The following ADCY8 variants were observed in gnomAD, a reference collection of about 807,000 sequenced individuals.
The protein encoded by ADCY8 is adenylate cyclase 8.
A neutral mutation model predicts 119.7 loss-of-function variants in ADCY8; 51 were observed. That is an observed-to-expected ratio of 0.43 (90% confidence interval 0.34 to 0.54). ADCY8 has a LOEUF of 0.54. Among genes scored for constraint, ADCY8 ranks in the 20% least tolerant of loss-of-function variants. ADCY8 has a pLI of 0.03. For synonymous variants in ADCY8, 665 were observed against 651.0 expected (o/e 1.02, Z -0.33); for missense variants, 1,383 against 1,598.8 (o/e 0.87, Z 2.30).
chr8:130,898,102 G>A lies in ADCY8; in HGVS notation c.1911+5670C>T, dbSNP rs528785510. Among the ~76,000 whole-genome samples the A allele has an allele frequency of 5.3e-5, 8 of 152,270 alleles. No homozygotes were observed. The South Asian group carries it at 1.5e-3, about 28-fold the overall frequency. ...CAGGCCACAAAGATGGAAGCAGTGTGAACTGATGGAAAGCATGGGGCTTTT... is the reference window on the plus strand; with the variant it reads ...CAGGCCACAAAGATGGAAGCAGTGTAAACTGATGGAAAGCATGGGGCTTTT... On this transcript the variant is annotated intron_variant, in intron 7 of 17. Coordinates refer to ENST00000286355, the MANE Select transcript of ADCY8 (RefSeq NM_001115.3).
At chr8:130,810,848 C>A (rs184742160) in intron 14 of ADCY8, among the ~76,000 whole-genome samples, 1 of 152,180 alleles carries the variant, frequency 6.6e-6, no homozygotes, top group Non-Finnish European at 1.5e-5. Flanking sequence ...TCTCAGCATG[C>A]GTCTCTGGTT....
intron 15 of ADCY8, among the ~76,000 whole-genome samples, chr8:130,799,490 G>A (rs1043299408): frequency 2.6e-5 from 4 of 152,182 alleles, no homozygotes; most frequent in African/African-American, 7.2e-5. Context: ...TGATGTAGTA[G>A]TTGTTTTTTT....
At chr8:130,987,038 T>C (rs1473380859) in intron 2 of ADCY8, among the ~76,000 whole-genome samples, 1 of 152,136 alleles carries the variant, frequency 6.6e-6, no homozygotes, top group East Asian at 1.9e-4. Context: ...CAATTCAGAG[T>C]AAAGACAGTC....
chr8:130,836,360 G>A lies in ADCY8; in HGVS notation c.2592C>T (p.Ile864=). Residue 864 remains isoleucine (I), a synonymous_variant, in exon 12 of 18, where the codon ATC becomes ATT. Transcript: ENST00000286355. The part of the protein sequence containing the change: ...NSVLKLAVLL[I]MIAIYALLTE... Reference sequence around the variant, plus strand: ...TGAGCAGGGCATAGATGGCAATCATGATCAGCAGCACTGCCAGCTTCAGGA... The same window carrying A: ...TGAGCAGGGCATAGATGGCAATCATAATCAGCAGCACTGCCAGCTTCAGGA... 6.2e-7 allele frequency: 1 copy of A among 1,613,992 alleles called. No homozygotes were observed. The highest frequency in any genetic ancestry group is 8.5e-7 in the Non-Finnish European group (1 of 1,179,930).
intron 14 of ADCY8, among the ~76,000 whole-genome samples, chr8:130,802,350 T>C (rs1011289072): frequency 1.3e-5 from 2 of 152,196 alleles, no homozygotes; most frequent in African/African-American, 4.8e-5. Flanking sequence ...GTGTGTGTGT[T>C]TTTAAAAATC....
At chr8:130,800,707 G>T (rs1012964951) in intron 14 of ADCY8, 135 bp from the exon 15 acceptor site, 3 of 956,604 alleles carry the variant, frequency 3.1e-6, no homozygotes, top group Non-Finnish European at 4.7e-6. Context: ...CTTGGATATC[G>T]TTATGTCAAC....
intron 8 of ADCY8, among the ~76,000 whole-genome samples, chr8:130,870,082 C>T (rs573135925): frequency 2.7e-5 from 4 of 148,160 alleles, no homozygotes; most frequent in South Asian, 2.2e-4. Context: ...GGTGCAATCT[C>T]GGCTCACTGC....
chr8:131,031,174 AT>A (rs1343546731), intron 1 of ADCY8, among the ~76,000 whole-genome samples: 2 of 152,122 alleles, frequency 1.3e-5, no homozygotes, highest in African/African-American at 2.4e-5. Flanking sequence ...AATCTCCTTG[AT>A]TACATCCCTG....
intron 8 of ADCY8, among the ~76,000 whole-genome samples, chr8:130,881,657 G>C (rs937971590): frequency 4.6e-5 from 7 of 152,044 alleles, no homozygotes; most frequent in Non-Finnish European, 1.0e-4. Context: ...AAAATTCTAA[G>C]ATATATATTC....
intron 2 of ADCY8, among the ~76,000 whole-genome samples, chr8:130,982,708 G>A (rs1822275870): frequency 6.6e-6 from 1 of 150,966 alleles, no homozygotes; most frequent in African/African-American, 2.5e-5. Flanking sequence ...TAAAAAATTA[G>A]CCAGAAACAG....
In ADCY8 at chr8:131,015,877, G is replaced by A. The variant is rs372242867; in HGVS notation, c.960+23497C>T. ...TGATTCCAAATGCTCCTTTTCTGAA[G>A]ACTCTATTTTTAATCCTAACACCTA... On this transcript the variant is annotated intron_variant, in intron 1 of 17. Transcript: ENST00000286355. Among the ~76,000 whole-genome samples, 93 of 152,184 alleles carry A rather than the reference G, an allele frequency of 6.1e-4. 1 individual carries two copies. Among genetic ancestry groups the A allele is most frequent in the African/African-American group, 2.1e-3 (87 of 41,520 alleles).
At chr8:130,943,308 C>T in intron 4 of ADCY8, 43 bp downstream of exon 4, 1 of 1,369,548 alleles carries the variant, frequency 7.3e-7, no homozygotes, top group Admixed American at 1.7e-5. Flanking sequence ...TATGCAGTCC[C>T]TCACTCCTGC....
chr8:130,967,068 A>C (rs935656635), intron 2 of ADCY8, among the ~76,000 whole-genome samples: 3 of 152,234 alleles, frequency 2.0e-5, no homozygotes, highest in Non-Finnish European at 4.4e-5. Flanking sequence ...ATTTGAAAAA[A>C]AATTAAAAAT....
At chr8:130,800,357 C>A in intron 15 of ADCY8, 69 bp downstream of exon 15, 1 of 1,545,808 alleles carries the variant, frequency 6.5e-7, no homozygotes, top group Non-Finnish European at 8.8e-7. Flanking sequence ...GTAATTCCTA[C>A]AATGAATAAC....
intron 9 of ADCY8, among the ~76,000 whole-genome samples, chr8:130,852,404 A>G (rs1336285817): frequency 1.1e-4 from 17 of 152,160 alleles, no homozygotes; most frequent in Admixed American, 1.1e-3. Flanking sequence ...CCCTCCAAAC[A>G]GGCTGGAAAA....
chr8:130,802,412 G>A (rs182728217), intron 14 of ADCY8, among the ~76,000 whole-genome samples: 11 of 152,234 alleles, frequency 7.2e-5, no homozygotes, highest in Admixed American at 5.2e-4. Flanking sequence ...CTTCTACTGG[G>A]TTTCCTGACT....
chr8:130,920,468 C>A (rs1453675587), intron 5 of ADCY8, among the ~76,000 whole-genome samples: 1 of 152,210 alleles, frequency 6.6e-6, no homozygotes, highest in African/African-American at 2.4e-5. Flanking sequence ...TGCCCACAAA[C>A]CTCTAAAGGC....
At chr8:130,801,899 C>CTTTTTT (rs34853195) in intron 14 of ADCY8, among the ~76,000 whole-genome samples, 13 of 97,796 alleles carry the variant, frequency 1.3e-4, no homozygotes, top group East Asian at 3.7e-4. Context: ...TTGAGAATGC[C>CTTTTTT]TTTTTTTTTT....
intron 14 of ADCY8, among the ~76,000 whole-genome samples, chr8:130,810,443 G>T (rs1055482909): frequency 6.6e-6 from 1 of 151,960 alleles, no homozygotes; most frequent in Non-Finnish European, 1.5e-5. Context: ...GGGGGAGAGG[G>T]GCACAGAAGA....
Sources: gnomAD v4.1 joint callset for allele counts (sites outside exome capture counted in the v4.1 genomes callset) on GRCh38, gnomAD v4.1.1 for gene constraint, MANE v1.5 for transcripts, NCBI Gene and HGNC (gene_info 2026-07-23, HGNC 2026-07-21) for gene names.